Variants in RBFOX3 observed in about 807,000 individuals in gnomAD.
The protein encoded by RBFOX3 is RNA binding fox-1 homolog 3.
Under a neutral mutation model 48.7 loss-of-function variants are expected in RBFOX3, and 17 were observed. The observed-to-expected ratio is 0.35, with a 90% CI of 0.24 to 0.52. The LOEUF (loss-of-function observed/expected upper bound fraction) is 0.52. Among genes scored for constraint, RBFOX3 ranks in the 20% least tolerant of loss-of-function variants. The pLI is 0.94. For missense variants in RBFOX3, 382 were observed against 497.5 expected, an observed-to-expected ratio of 0.77 and a Z score of 2.21; for synonymous variants, 212 against 209.5, an observed-to-expected ratio of 1.01 and a Z score of -0.10.
At chr17:79,620,467 ACACGTGCACACACG>A in the RBFOX3 span, among the ~76,000 whole-genome samples, 1,687 of 145,482 alleles carry the variant, frequency 0.012, 24 homozygotes, top group East Asian at 0.07. Context: ...ACACACATGC[ACACGTGCACACACG>A]CACGTGCACA....
At chr17:79,501,367 T>C (rs886291965) in intron 1 of RBFOX3, among the ~76,000 whole-genome samples, 15 of 152,168 alleles carry the variant, frequency 9.9e-5, no homozygotes, top group Non-Finnish European at 2.9e-5. Context: ...GAGAGGCTGG[T>C]TGTCTGCAGC....
At chr17:79,433,298 C>T (rs2068803743) in intron 2 of RBFOX3, among the ~76,000 whole-genome samples, 1 of 152,230 alleles carries the variant, frequency 6.6e-6, no homozygotes, top group African/African-American at 2.4e-5. Context: ...TCTAGCTACC[C>T]AGGTTTTAGG....
At chr17:79,558,457 C>T (rs1435140737) in intron 1 of RBFOX3, among the ~76,000 whole-genome samples, 2 of 152,132 alleles carry the variant, frequency 1.3e-5, no homozygotes, top group African/African-American at 4.8e-5. Context: ...GCTGAGGGCC[C>T]CAGGGTGCTG....
chr17:79,624,801 G>A, the RBFOX3 span, among the ~76,000 whole-genome samples: 1 of 151,274 alleles, frequency 6.6e-6, no homozygotes, highest in Admixed American at 6.6e-5. Context: ...CTCACCCTTA[G>A]AAGGCACCCC....
intron 2 of RBFOX3, among the ~76,000 whole-genome samples, chr17:79,319,566 TG>T: frequency 6.6e-6 from 1 of 151,902 alleles, no homozygotes; most frequent in Non-Finnish European, 1.5e-5. Flanking sequence ...TGGTCTTGTA[TG>T]GGCTGCTGGG....
intron 2 of RBFOX3, among the ~76,000 whole-genome samples, chr17:79,399,804 C>T (rs1312250339): frequency 6.6e-6 from 1 of 152,252 alleles, no homozygotes; most frequent in East Asian, 1.9e-4. Flanking sequence ...TCGGGCGCTC[C>T]CGTCTTCAGC....
At chr17:79,610,250 G>T (rs2093940782) in intron 1 of RBFOX3, among the ~76,000 whole-genome samples, 1 of 152,004 alleles carries the variant, frequency 6.6e-6, no homozygotes, top group African/African-American at 2.4e-5. Context: ...CCTTTCAGAG[G>T]ACCCCGGCAG....
intron 3 of RBFOX3, among the ~76,000 whole-genome samples, chr17:79,303,701 T>C (rs1174941418): frequency 1.3e-5 from 2 of 152,136 alleles, no homozygotes; most frequent in Non-Finnish European, 2.9e-5. Flanking sequence ...ATCTGATAAA[T>C]AGATGTGATT....
At chr17:79,142,081 A>G (rs147727435) in intron 4 of RBFOX3, among the ~76,000 whole-genome samples, 1 of 152,240 alleles carries the variant, frequency 6.6e-6, no homozygotes, top group South Asian at 2.1e-4. Flanking sequence ...GATGCTTTGA[A>G]ACACCGTCTG....
the RBFOX3 span, among the ~76,000 whole-genome samples, chr17:79,623,817 T>C: frequency 8.0e-3 from 1,061 of 132,416 alleles, 10 homozygotes; most frequent in Middle Eastern, 0.019. Context: ...AGCTAAACTC[T>C]GTCTCTAAAA....
rs187550663 is a variant in RBFOX3, at chr17:79,150,775, G to C, written c.-33-35027C>G. On this transcript the variant is annotated intron_variant, in intron 4 of 14. Transcript: ENST00000693108. Reference sequence around the variant, plus strand: ...GGGATGGGCACTTCCGAGAAAAGAGGGGGGCAGGGAACTGCAGAGGCCACA... The same window carrying C: ...GGGATGGGCACTTCCGAGAAAAGAGCGGGGCAGGGAACTGCAGAGGCCACA... Among the ~76,000 whole-genome samples the C allele has an allele frequency of 2.6e-4, 40 of 152,298 alleles. No homozygotes were observed. The East Asian group carries it at 6.8e-3, about 26-fold the overall frequency.
chr17:79,633,598 G>C, the RBFOX3 span, among the ~76,000 whole-genome samples: 1 of 147,820 alleles, frequency 6.8e-6, no homozygotes, highest in Non-Finnish European at 1.5e-5. Context: ...TCCAGCGGCT[G>C]TTTTTTTTTT....
intron 4 of RBFOX3, among the ~76,000 whole-genome samples, chr17:79,223,265 A>G (rs1335915331): frequency 1.3e-5 from 2 of 152,118 alleles, no homozygotes; most frequent in African/African-American, 4.8e-5. Flanking sequence ...ACACAGCTGC[A>G]TATATCTGCA....
Position 79,090,093 on chromosome 17 carries a change from A to G in RBFOX3, c.*790T>C, listed in dbSNP as rs1307635272. ...CCGGGCCTCCTCCAGAAAGGGAGAG[A>G]TGGCCAGGAAGAGCAAGTAAGTCCT... On this transcript the variant is annotated 3_prime_UTR_variant, in exon 15 of 15. Coordinates refer to ENST00000693108, the MANE Select transcript of RBFOX3 (RefSeq NM_001350451.2). 1 of 152,232 alleles carries G rather than the reference A, an allele frequency of 6.6e-6. No homozygotes were observed. The highest frequency in any genetic ancestry group is 1.5e-5 in the Non-Finnish European group (1 of 68,084). The allele number at this position is 152,232 out of a possible 1,614,324, so 9.4% of individuals were successfully genotyped here.
chr17:79,217,568 G>A (rs1600067736), intron 4 of RBFOX3, among the ~76,000 whole-genome samples: 1 of 152,308 alleles, frequency 6.6e-6, no homozygotes, highest in Non-Finnish European at 1.5e-5. Context: ...AGGGGAGATG[G>A]AGGGGTGAAT....
At chr17:79,610,370 C>T (rs1430263826) in intron 1 of RBFOX3, among the ~76,000 whole-genome samples, 1 of 151,846 alleles carries the variant, frequency 6.6e-6, no homozygotes, top group African/African-American at 2.4e-5. Flanking sequence ...ACGCGCCCCG[C>T]GGGGCCGGGA....
Position 79,361,224 on chromosome 17 carries a change from A to G in RBFOX3, c.-174-53400T>C, listed in dbSNP as rs1016347316. ...TCTGCAGACAATTTCTCCTGGACCA[A>G]TCCCATCCTCGGCTTGCCACTGCCC... On this transcript the variant is annotated intron_variant, in intron 2 of 14. Transcript: ENST00000693108. The surrounding 1 kb of genome is among the most constrained non-coding windows in gnomAD (Gnocchi z 4.5). 6.6e-6 allele frequency among the ~76,000 whole-genome samples: 1 copy of G among 152,026 alleles called. No homozygotes were observed. The highest frequency in any genetic ancestry group is 2.4e-5 in the African/African-American group (1 of 41,386).
intron 2 of RBFOX3, among the ~76,000 whole-genome samples, chr17:79,446,811 C>A (rs2072409327): frequency 8.7e-6 from 1 of 114,906 alleles, no homozygotes; most frequent in Non-Finnish European, 2.2e-5. Context: ...GCCCATGGGG[C>A]AGCCCTGCTC....
At chr17:79,402,267 C>T (rs944942499) in intron 2 of RBFOX3, among the ~76,000 whole-genome samples, 4 of 152,200 alleles carry the variant, frequency 2.6e-5, no homozygotes, top group East Asian at 3.8e-4. Flanking sequence ...AAACGACCTG[C>T]GAACTGAATG....
Sources: allele counts gnomAD v4.1 joint callset (sites outside exome capture counted in the v4.1 genomes callset), GRCh38; gene constraint gnomAD v4.1.1; non-coding constraint Gnocchi (gnomAD v3.1); transcripts MANE v1.5; gene names NCBI Gene and HGNC (gene_info 2026-07-23, HGNC 2026-07-21).